Variants in CYRIB observed in about 807,000 individuals in gnomAD.
CYRIB encodes CYFIP related Rac1 interactor B.
In CYRIB, 8 loss-of-function variants were observed where a neutral mutation model predicts 44.2. That is an observed-to-expected ratio of 0.18 (90% CI 0.11 to 0.33). The LOEUF (loss-of-function observed/expected upper bound fraction) is 0.33. CYRIB is among the 10% of genes least tolerant of loss of function. The probability of loss-of-function intolerance (pLI) is 1.00; values close to 1 mark genes in which losing one functional copy is unlikely to be tolerated. For missense variants in CYRIB, 185 were observed against 382.8 expected (o/e 0.48, Z 4.31); for synonymous variants, 131 against 127.2 (o/e 1.03, Z -0.20).
intron 2 of CYRIB, chr8:129,894,560 A>G (rs1428601154): frequency 6.6e-6 from 1 of 152,124 alleles, no homozygotes; most frequent in African/African-American, 2.4e-5. Context: ...TCCTGTTAGG[A>G]GGAACTGGAG....
At chr8:129,943,424 G>GA (rs1463009585), upstream of CYRIB, among the ~76,000 whole-genome samples, 1,375 of 140,418 alleles carry the variant, frequency 9.8e-3, 22 homozygotes, top group African/African-American at 0.032. Context: ...CATCTCTACT[G>GA]AAAAAAAAAA....
chr8:129,848,735 A>ATTTT (rs1191521309), intron 10 of CYRIB, among the ~76,000 whole-genome samples: 1 of 141,318 alleles, frequency 7.1e-6, no homozygotes, highest in African/African-American at 2.6e-5. Flanking sequence ...CACCTGGCTA[A>ATTTT]TTTTTTTTTT....
chr8:129,959,388 A>G (rs933413483), intron 2 of CYRIB, among the ~76,000 whole-genome samples: 5 of 152,146 alleles, frequency 3.3e-5, no homozygotes, highest in Non-Finnish European at 5.9e-5. Flanking sequence ...TTTGACAAGG[A>G]CATTATGAGA....
intron 1 of CYRIB, among the ~76,000 whole-genome samples, chr8:129,984,859 C>G (rs1242255316): frequency 1.3e-5 from 2 of 152,298 alleles, no homozygotes; most frequent in Non-Finnish European, 2.9e-5. Context: ...ACTGCAACCT[C>G]CACCTCCCAG....
chr8:129,880,510 G>T, intron 2 of CYRIB: 1 of 875,154 alleles, frequency 1.1e-6, no homozygotes, highest in Non-Finnish European at 1.4e-6. Flanking sequence ...ATTTTAAGCA[G>T]AGGCCTGGGA....
intron 2 of CYRIB, among the ~76,000 whole-genome samples, chr8:129,946,131 A>T (rs1422200764): frequency 6.6e-6 from 1 of 152,264 alleles, no homozygotes; most frequent in African/African-American, 2.4e-5. Flanking sequence ...CCCTTTAAAA[A>T]AACTCTGACC....
chr8:129,883,668 A>G (rs981524067), intron 2 of CYRIB, among the ~76,000 whole-genome samples: 4 of 152,184 alleles, frequency 2.6e-5, no homozygotes, highest in African/African-American at 7.2e-5. Context: ...TTCAACTAAT[A>G]TAACAGTGGT....
intron 1 of CYRIB, among the ~76,000 whole-genome samples, chr8:129,932,835 T>C (rs1161993884): frequency 6.6e-6 from 1 of 152,142 alleles, no homozygotes; most frequent in Non-Finnish European, 1.5e-5. Context: ...AGAGTGATCC[T>C]AGTGGTGGAT....
At chr8:130,005,578 C>T (rs2097036240) in intron 1 of CYRIB, among the ~76,000 whole-genome samples, 1 of 152,160 alleles carries the variant, frequency 6.6e-6, no homozygotes, top group African/African-American at 2.4e-5. Flanking sequence ...AAGCGAGATT[C>T]TAACAAGAGG....
chr8:129,941,651 T>A (rs2093714951), upstream of CYRIB, among the ~76,000 whole-genome samples: 1 of 152,162 alleles, frequency 6.6e-6, no homozygotes, highest in Non-Finnish European at 1.5e-5. Context: ...TTGTCTGACA[T>A]ACTGACGTCC....
At chr8:129,889,505 G>T (rs2064185359) in intron 2 of CYRIB, among the ~76,000 whole-genome samples, 1 of 152,142 alleles carries the variant, frequency 6.6e-6, no homozygotes, top group African/African-American at 2.4e-5. Flanking sequence ...AAGCCTTCTG[G>T]AAAGGATTCA....
intron 2 of CYRIB, among the ~76,000 whole-genome samples, chr8:129,882,424 C>T (rs1283641958): frequency 1.3e-5 from 2 of 152,152 alleles, no homozygotes; most frequent in African/African-American, 4.8e-5. Context: ...TTGGCTGTTG[C>T]TGTAATTAAA....
chr8:129,855,415 C>T (rs189032316), intron 6 of CYRIB, among the ~76,000 whole-genome samples, 196 bp downstream of exon 8: 2 of 151,836 alleles, frequency 1.3e-5, no homozygotes. Flanking sequence ...AAGATTGAGA[C>T]CGAATACTCA....
chr8:129,853,221 G>A (rs910068405), intron 7 of CYRIB, among the ~76,000 whole-genome samples: 1 of 152,198 alleles, frequency 6.6e-6, no homozygotes, highest in African/African-American at 2.4e-5. Flanking sequence ...TGATGGCAAG[G>A]ATGGGTATAG....
chr8:129,957,833 C>T (rs1203879135), intron 2 of CYRIB, among the ~76,000 whole-genome samples: 1 of 151,758 alleles, frequency 6.6e-6, no homozygotes, highest in Admixed American at 6.6e-5. Flanking sequence ...GGGATAGTGG[C>T]GGGTGCCTAT....
chr8:129,984,786 G>GT (rs996324514), intron 1 of CYRIB, among the ~76,000 whole-genome samples: 1 of 151,756 alleles, frequency 6.6e-6, no homozygotes, highest in East Asian at 1.9e-4. Flanking sequence ...TTTTGTTTTT[G>GT]TTTTTTTGAG....
intron 5 of CYRIB, among the ~76,000 whole-genome samples, chr8:129,861,622 GTT>G (rs573688560): frequency 1.5e-5 from 2 of 137,092 alleles, no homozygotes; most frequent in African/African-American, 2.6e-5. Context: ...TTTGTTTGTT[GTT>G]TTTTTTTTTT....
chr8:129,999,108 C>T (rs2096848759), intron 1 of CYRIB, among the ~76,000 whole-genome samples: 1 of 152,028 alleles, frequency 6.6e-6, no homozygotes, highest in East Asian at 1.9e-4. Flanking sequence ...GAGGAATTGT[C>T]CCATGCTCTG....
intron 1 of CYRIB, among the ~76,000 whole-genome samples, chr8:129,973,791 T>A (rs1235619456): frequency 1.3e-5 from 2 of 152,122 alleles, no homozygotes; most frequent in African/African-American, 4.8e-5. Context: ...TGAGACCCTG[T>A]CTCTATAAAA....
Sources: allele counts gnomAD v4.1 joint callset (sites outside exome capture counted in the v4.1 genomes callset), GRCh38; gene constraint gnomAD v4.1.1; transcripts MANE v1.5; gene names NCBI Gene and HGNC (gene_info 2026-07-23, HGNC 2026-07-21).